TMEM132D: variants seen among roughly 807,000 people sequenced by gnomAD.
TMEM132D encodes the protein transmembrane protein 132D, also known as mature OL transmembrane protein.
Under a neutral mutation model 62.3 loss-of-function variants are expected in TMEM132D, and 21 were observed. The ratio of observed to expected loss-of-function variants is 0.34; its 90% confidence interval spans 0.24 to 0.49. TMEM132D has a LOEUF of 0.49. Among genes scored for constraint, TMEM132D ranks in the 20% least tolerant of loss-of-function variants. The pLI is 0.99. For missense variants in TMEM132D, 1,346 were observed against 1,402.8 expected (o/e 0.96, Z 0.65); for synonymous variants, 621 against 575.6 (o/e 1.08, Z -1.13).
chr12:129,409,408 A>T (rs1871896869), intron 3 of TMEM132D, among the ~76,000 whole-genome samples: 1 of 152,220 alleles, frequency 6.6e-6, no homozygotes, highest in South Asian at 2.1e-4. Context: ...GCACGCGCCT[A>T]GAAGAGGACA....
intron 5 of TMEM132D, among the ~76,000 whole-genome samples, chr12:129,088,460 C>T (rs866050656): frequency 4.8e-5 from 2 of 41,342 alleles, no homozygotes; most frequent in South Asian, 8.0e-4. Context: ...GGGTGTCCTC[C>T]ATGACCGGGG....
At chr12:129,760,604 C>G (rs11611853) in intron 1 of TMEM132D, among the ~76,000 whole-genome samples, 89,104 of 151,112 alleles carry the variant, frequency 0.59, 27,910 homozygotes, top group Middle Eastern at 0.77. Flanking sequence ...CCTCAAGCCT[C>G]CTGAAGTACT....
intron 2 of TMEM132D, among the ~76,000 whole-genome samples, chr12:129,573,753 T>C (rs1877582964): frequency 6.6e-6 from 1 of 151,942 alleles, no homozygotes; most frequent in Non-Finnish European, 1.5e-5. Context: ...ACTGAATAGT[T>C]CCACAGCAGG....
At chr12:129,315,774 AC>A (rs1868468798) in intron 4 of TMEM132D, among the ~76,000 whole-genome samples, 1 of 151,422 alleles carries the variant, frequency 6.6e-6, no homozygotes, top group African/African-American at 2.4e-5. Flanking sequence ...CTGGTCTTGG[AC>A]TTTTTTTGTT....
chr12:129,886,089 A>T (rs1874741350), intron 1 of TMEM132D, among the ~76,000 whole-genome samples: 1 of 152,250 alleles, frequency 6.6e-6, no homozygotes, highest in African/African-American at 2.4e-5. Flanking sequence ...GATTGGTGTC[A>T]TTACAATTAT....
chr12:129,336,012 C>T (rs74555528), intron 4 of TMEM132D, among the ~76,000 whole-genome samples: 2,398 of 152,280 alleles, frequency 0.016, 55 homozygotes, highest in African/African-American at 0.055. Context: ...AGGATGGAAT[C>T]CATGCACCTG....
chr12:129,395,282 A>C (rs1193076904), intron 3 of TMEM132D, among the ~76,000 whole-genome samples: 1 of 152,138 alleles, frequency 6.6e-6, no homozygotes, highest in Non-Finnish European at 1.5e-5. Flanking sequence ...TGGTAAAGCC[A>C]CTTTGGAGAG....
intron 3 of TMEM132D, among the ~76,000 whole-genome samples, chr12:129,374,039 AG>A (rs1167393610): frequency 6.6e-6 from 1 of 152,246 alleles, no homozygotes; most frequent in Non-Finnish European, 1.5e-5. Context: ...AAGAATAAAA[AG>A]GAATGTGTAA....
At chr12:129,761,479 T>C (rs933385045) in intron 1 of TMEM132D, among the ~76,000 whole-genome samples, 10 of 152,128 alleles carry the variant, frequency 6.6e-5, no homozygotes, top group African/African-American at 2.4e-4. Flanking sequence ...ATTCCCATCC[T>C]CCCAGGCCTC....
chr12:129,812,522 CCT>C (rs1872217485), intron 1 of TMEM132D, among the ~76,000 whole-genome samples: 1 of 151,820 alleles, frequency 6.6e-6, no homozygotes, highest in African/African-American at 2.4e-5. Flanking sequence ...GTCTCCATTT[CCT>C]CGTTAGTCTT....
intron 2 of TMEM132D, among the ~76,000 whole-genome samples, chr12:129,592,749 A>G (rs1046413678): frequency 6.6e-6 from 1 of 152,230 alleles, no homozygotes; most frequent in African/African-American, 2.4e-5. Flanking sequence ...AGTGTGTGCT[A>G]TGTGAACGTT....
intron 4 of TMEM132D, among the ~76,000 whole-genome samples, chr12:129,215,956 G>A (rs575875696): frequency 3.9e-5 from 6 of 152,290 alleles, no homozygotes; most frequent in Admixed American, 2.6e-4. Context: ...GAAACCGCCC[G>A]AATGCATGAT....
intron 8 of TMEM132D, among the ~76,000 whole-genome samples, chr12:129,075,687 A>G (rs1039850028): frequency 3.3e-5 from 5 of 152,188 alleles, no homozygotes; most frequent in Non-Finnish European, 5.9e-5. Context: ...CAGGAGAGGG[A>G]GAAGCATCTT....
At chr12:129,821,197 C>G (rs2137325145) in intron 1 of TMEM132D, among the ~76,000 whole-genome samples, 1 of 152,288 alleles carries the variant, frequency 6.6e-6, no homozygotes, top group Admixed American at 6.5e-5. Flanking sequence ...CAGATTCTCT[C>G]ACCGCAGGAC....
intron 1 of TMEM132D, chr12:129,853,034 A>T (rs956168107): frequency 3.3e-5 from 5 of 152,172 alleles, no homozygotes; most frequent in Admixed American, 3.3e-4. Flanking sequence ...CGGAAGACTG[A>T]TGGTTGCAAA....
chr12:129,164,305 A>G (rs747647041), intron 5 of TMEM132D, among the ~76,000 whole-genome samples: 1 of 152,190 alleles, frequency 6.6e-6, no homozygotes, highest in Non-Finnish European at 1.5e-5. Context: ...ACTGCTCTCC[A>G]TCGGCCTGGT....
At chr12:129,256,467 C>G (rs896756976) in intron 4 of TMEM132D, among the ~76,000 whole-genome samples, 1 of 152,106 alleles carries the variant, frequency 6.6e-6, no homozygotes, top group African/African-American at 2.4e-5. Flanking sequence ...GTTGCCCAGG[C>G]TGGAGTGCAG....
At chr12:129,766,720 C>G (rs1433415139) in intron 1 of TMEM132D, among the ~76,000 whole-genome samples, 1 of 152,050 alleles carries the variant, frequency 6.6e-6, no homozygotes, top group African/African-American at 2.4e-5. Context: ...CTCTTATACC[C>G]CCTCTATGCA....
At chr12:129,748,348 C>T (rs1022384358) in intron 1 of TMEM132D, among the ~76,000 whole-genome samples, 28 of 152,004 alleles carry the variant, frequency 1.8e-4, no homozygotes, top group African/African-American at 5.6e-4. Flanking sequence ...GCAATTTGGA[C>T]GGAGAATGAG....
Sources: gnomAD v4.1 joint callset for allele counts (sites outside exome capture counted in the v4.1 genomes callset) on GRCh38, gnomAD v4.1.1 for gene constraint, MANE v1.5 for transcripts, NCBI Gene and HGNC (gene_info 2026-07-23, HGNC 2026-07-21) for gene names.